Variants in SHISAL1 observed in about 807,000 individuals in gnomAD.
SHISAL1 encodes the protein shisa like 1.
In SHISAL1, 9 loss-of-function variants were observed where a neutral mutation model predicts 22.6. The ratio of observed to expected loss-of-function variants is 0.40; its 90% CI spans 0.24 to 0.70. The LOEUF (loss-of-function observed/expected upper bound fraction) is 0.70. SHISAL1 is among the 30% of genes least tolerant of loss of function. SHISAL1 has a pLI of 0.39. For synonymous variants in SHISAL1, 119 were observed against 115.4 expected (o/e 1.03, Z -0.20); for missense variants, 246 against 270.6 (o/e 0.91, Z 0.64).
At position 44,296,602 on chromosome 22, in the gene SHISAL1, C is replaced by T. The variant is rs12158753; in HGVS notation, c.281+70G>A. On this transcript the variant is annotated intron_variant, in intron 3 of 4. Transcript: ENST00000381176. ...TACCCAACCGCCTCCCTAGGGGACG[C>T]GATTTTGGGAGGCAGGCCCCTTGCC... 982 of 1,446,232 alleles carry T rather than the reference C, an allele frequency of 6.8e-4. 5 individuals carry two copies. In the African/African-American group the frequency reaches 0.011, roughly 16 times the overall value. 89.6% of individuals were successfully genotyped at this position (1,446,232 alleles called of 1,614,324 possible). A position where few individuals can be genotyped will look rare whatever the true frequency, so the allele number is the denominator to read the frequency against.
chr22:44,315,471 G>T (rs1041501276), upstream of SHISAL1, among the ~76,000 whole-genome samples: 1 of 152,104 alleles, frequency 6.6e-6, no homozygotes. Flanking sequence ...TTCCAGTAGG[G>T]AATCGGTGTG....
At chr22:44,328,456 A>T in the SHISAL1 span, among the ~76,000 whole-genome samples, 1 of 152,108 alleles carries the variant, frequency 6.6e-6, no homozygotes, top group Non-Finnish European at 1.5e-5. Flanking sequence ...GCCAAGTGCA[A>T]CCCTAGTGCT....
intron 1 of SHISAL1, among the ~76,000 whole-genome samples, chr22:44,304,516 C>T (rs2055456669): frequency 2.0e-5 from 3 of 152,194 alleles, no homozygotes; most frequent in Admixed American, 2.0e-4. Context: ...CTCATCTCTT[C>T]CTCTGGGGAG....
intron 4 of SHISAL1, among the ~76,000 whole-genome samples, chr22:44,278,643 TG>T (rs1601789333): frequency 6.6e-6 from 1 of 152,088 alleles, no homozygotes; most frequent in Non-Finnish European, 1.5e-5. Flanking sequence ...CCTGAACCTT[TG>T]GGGGTACAGA....
chr22:44,301,286 G>T (rs1166937666), intron 1 of SHISAL1, among the ~76,000 whole-genome samples: 1 of 152,218 alleles, frequency 6.6e-6, no homozygotes, highest in African/African-American at 2.4e-5. Flanking sequence ...CACCAGAGCT[G>T]CAGGAGTGAG....
the SHISAL1 span, among the ~76,000 whole-genome samples, chr22:44,328,374 T>A: frequency 2.6e-5 from 4 of 152,096 alleles, no homozygotes; most frequent in African/African-American, 9.7e-5. Context: ...GGCATGAGGA[T>A]TAAGTGGGAA....
At chr22:44,327,230 TG>T in the SHISAL1 span, among the ~76,000 whole-genome samples, 1 of 132,480 alleles carries the variant, frequency 7.5e-6, no homozygotes, top group African/African-American at 2.7e-5. Context: ...CTGTGGAGAG[TG>T]GGGGGCGCGC....
the SHISAL1 span, among the ~76,000 whole-genome samples, chr22:44,327,238 GCGCACACACACA>G: frequency 3.0e-5 from 3 of 101,160 alleles, no homozygotes; most frequent in Non-Finnish European, 4.1e-5. Context: ...AGTGGGGGGC[GCGCACACACACA>G]CACACACACA....
chr22:44,308,539 G>A (rs1330478943), intron 1 of SHISAL1, among the ~76,000 whole-genome samples: 1 of 152,192 alleles, frequency 6.6e-6, no homozygotes, highest in Non-Finnish European at 1.5e-5. Context: ...CTCATCCTGG[G>A]TGGCCACCTC....
At position 44,250,234 on chromosome 22, in the gene SHISAL1, A is replaced by C. The variant is rs944622088; in HGVS notation, c.*-549T>G. On this transcript the variant is annotated intron_variant, in intron 4 of 4. Coordinates refer to ENST00000381176, the MANE Select transcript of SHISAL1 (RefSeq NM_001099294.2). ...TTGGCTGATAAATTATATGGTCACCATTGCCATAACAAACTAAATATTAAA... is the reference window on the plus strand; with the variant it reads ...TTGGCTGATAAATTATATGGTCACCCTTGCCATAACAAACTAAATATTAAA... 3.5e-4 allele frequency among the ~76,000 whole-genome samples: 53 copies of C among 152,356 alleles called. 1 individual carries two copies. The highest frequency in any genetic ancestry group is 1.1e-3 in the African/African-American group (47 of 41,576).
chr22:44,281,202 A>AG (rs1472200243), intron 4 of SHISAL1, among the ~76,000 whole-genome samples: 2 of 152,136 alleles, frequency 1.3e-5, no homozygotes, highest in Non-Finnish European at 2.9e-5. Context: ...CCAGACCCCT[A>AG]GTGCTGATGC....
chr22:44,301,039 GC>G, intron 1 of SHISAL1, 62 bp from the exon 2 acceptor site: 2 of 1,193,122 alleles, frequency 1.7e-6, no homozygotes, highest in Non-Finnish European at 2.5e-6. Context: ...TGGCTTTCCT[GC>G]CCACAGCGGG....
chr22:44,292,599 C>G (rs867085875), intron 3 of SHISAL1, among the ~76,000 whole-genome samples: 1 of 152,224 alleles, frequency 6.6e-6, no homozygotes, highest in Non-Finnish European at 1.5e-5. Context: ...CAGACAGGCA[C>G]AGAGGTGGAC....
At chr22:44,291,109 C>T (rs2055349770) in intron 3 of SHISAL1, among the ~76,000 whole-genome samples, 1 of 152,208 alleles carries the variant, frequency 6.6e-6, no homozygotes, top group South Asian at 2.1e-4. Context: ...AATGCTGTGG[C>T]CACTTCTGAG....
intron 4 of SHISAL1, among the ~76,000 whole-genome samples, chr22:44,251,439 A>G (rs1439751356): frequency 6.6e-6 from 1 of 152,238 alleles, no homozygotes; most frequent in Non-Finnish European, 1.5e-5. Context: ...TTACTATAAA[A>G]GGATGGGCAG....
Position 44,312,023 on chromosome 22 carries a change from CGGGGTG to C in SHISAL1, c.-33+722_-33+727del, listed in dbSNP as rs138012544. Among the ~76,000 whole-genome samples the C allele has an allele frequency of 1.8e-3, 279 of 152,214 alleles. 5 individuals carry two copies. In the East Asian group the frequency reaches 0.022, roughly 12 times the overall value. ...GGAAAGACAGGCATGGCGCTCGCCTCGGGGTGGGGGTGGCTCTGGGTTTCTCTTCAG... is the reference window on the plus strand; with the variant it reads ...GGAAAGACAGGCATGGCGCTCGCCTCGGGGTGGCTCTGGGTTTCTCTTCAG... On this transcript the variant is annotated intron_variant, in intron 1 of 4. Transcript: ENST00000381176.
rs1444302808 is a variant in SHISAL1, at chr22:44,244,703, G to C, written c.*4982C>G. 6 of 152,216 alleles carry C rather than the reference G, an allele frequency of 3.9e-5. No individual in the cohort carries two copies. Among genetic ancestry groups the C allele is most frequent in the Non-Finnish European group, 5.9e-5 (4 of 68,046 alleles). 9.4% of individuals were successfully genotyped at this position (152,216 alleles called of 1,614,324 possible). A position where few individuals can be genotyped will look rare whatever the true frequency, so the allele number is the denominator to read the frequency against. Reference sequence around the variant, plus strand: ...ACTAGCCGTTTCACAAGTGGTCCCAGCTATAGCAGGAATGGCTCCCAGATG... The same window carrying C: ...ACTAGCCGTTTCACAAGTGGTCCCACCTATAGCAGGAATGGCTCCCAGATG... On this transcript the variant is annotated 3_prime_UTR_variant, in exon 5 of 5. Coordinates refer to ENST00000381176, the MANE Select transcript of SHISAL1 (RefSeq NM_001099294.2).
chr22:44,280,468 A>G (rs893700989), intron 4 of SHISAL1, among the ~76,000 whole-genome samples: 1 of 152,168 alleles, frequency 6.6e-6, no homozygotes, highest in Admixed American at 6.5e-5. Flanking sequence ...GTCCATGGAA[A>G]TACCAAGGGG....
the SHISAL1 span, among the ~76,000 whole-genome samples, chr22:44,329,215 G>A: frequency 1.3e-5 from 2 of 152,206 alleles, no homozygotes; most frequent in Non-Finnish European, 2.9e-5. Context: ...ATGGGGGCTC[G>A]GGGAGTTGGC....
Sources: gnomAD v4.1 joint callset for allele counts (sites outside exome capture counted in the v4.1 genomes callset) on GRCh38, gnomAD v4.1.1 for gene constraint, MANE v1.5 for transcripts, NCBI Gene and HGNC (gene_info 2026-07-23, HGNC 2026-07-21) for gene names.